The following BRIP1 variants were observed in gnomAD, a reference collection of about 807,000 sequenced individuals.
BRIP1 encodes the protein BRCA1 interacting DNA helicase 1.
Under a neutral mutation model 119.7 loss-of-function variants are expected in BRIP1, and 88 were observed. The ratio of observed to expected loss-of-function variants is 0.74; its 90% CI spans 0.62 to 0.88. The LOEUF is 0.88. BRIP1 is among the 40% of genes least tolerant of loss of function. The pLI is 0.00. For missense variants in BRIP1, 1,259 were observed against 1,455.4 expected (o/e 0.87, Z 2.20); for synonymous variants, 443 against 496.5 (o/e 0.89, Z 1.43).
At chr17:61,783,943 T>A (rs2077661970) in intron 11 of BRIP1, 1 of 196,736 alleles carries the variant, frequency 5.1e-6, no homozygotes, top group African/African-American at 2.4e-5. Flanking sequence ...ATTAGCTGGG[T>A]GTGGGTGTTG....
In BRIP1 at chr17:61,755,540, T is replaced by C. The variant is rs985329468; in HGVS notation, c.2098-10949A>G. ...TGCCACCGTACTCCAGCCTGGGTGA[T>C]AGAGTGAGACCCTATCTGAAAAAAC... is the stretch of plus-strand genomic sequence containing the variant. On this transcript the variant is annotated intron_variant, in intron 14 of 19. Coordinates refer to ENST00000259008, the MANE Select transcript of BRIP1 (RefSeq NM_032043.3). The surrounding 1 kb of genome is among the most constrained non-coding windows in gnomAD (Gnocchi z 4.5). 6.6e-6 allele frequency among the ~76,000 whole-genome samples: 1 copy of C among 152,138 alleles called. No homozygotes were observed. The highest frequency in any genetic ancestry group is 6.6e-5 in the Admixed American group (1 of 15,248).
intron 14 of BRIP1, among the ~76,000 whole-genome samples, chr17:61,750,571 A>T (rs2077118308): frequency 6.6e-6 from 1 of 152,184 alleles, no homozygotes; most frequent in Non-Finnish European, 1.5e-5. Flanking sequence ...AGTTAAAATG[A>T]TAGTACACAG....
At position 61,705,200 on chromosome 17, in the gene BRIP1, T is replaced by G. The variant is rs967733619; in HGVS notation, c.2492+10751A>C. Among the ~76,000 whole-genome samples the G allele has an allele frequency of 6.6e-6, 1 of 152,174 alleles. No individual in the cohort carries two copies. The highest frequency in any genetic ancestry group is 2.4e-5 in the African/African-American group (1 of 41,448). On this transcript the variant is annotated intron_variant, in intron 17 of 19. Coordinates refer to ENST00000259008, the MANE Select transcript of BRIP1 (RefSeq NM_032043.3). The surrounding 1 kb of genome is among the most constrained non-coding windows in gnomAD (Gnocchi z 5.0). The stretch of plus-strand genomic sequence containing the variant: ...AGTGGGAACATATGGTATTTGGTTT[T>G]CTGTTTCTGTGTTAGTTTGCTTAGG...
Position 61,796,065 on chromosome 17 carries a change from G to A in BRIP1, c.1341-2336C>T, listed in dbSNP as rs1308429434. Among the ~76,000 whole-genome samples, 1 of 152,046 alleles carries A rather than the reference G, an allele frequency of 6.6e-6. No homozygotes were observed. The highest frequency in any genetic ancestry group is 2.4e-5 in the African/African-American group (1 of 41,428). On this transcript the variant is annotated intron_variant, in intron 9 of 19. Transcript: ENST00000259008. The surrounding 1 kb of genome is among the most constrained non-coding windows in gnomAD (Gnocchi z 4.8). ...ATTTGTATGTCTTCTTTAGAGAAAT[G>A]TCTATTCAAATCTTTTGTCCATTTT...
intron 18 of BRIP1, among the ~76,000 whole-genome samples, chr17:61,692,124 T>C (rs1268147724): frequency 1.3e-5 from 2 of 152,244 alleles, no homozygotes; most frequent in African/African-American, 4.8e-5. Flanking sequence ...CTTGGTGCTA[T>C]GATTGTAGAC....
At chr17:61,728,989 C>G (rs1427608749) in intron 16 of BRIP1, among the ~76,000 whole-genome samples, 2 of 149,896 alleles carry the variant, frequency 1.3e-5, no homozygotes, top group Non-Finnish European at 1.5e-5. Context: ...TCTATCAACC[C>G]TAAAGTTCAA....
In BRIP1 at chr17:61,693,434, T is replaced by C. The variant is rs1427254734; in HGVS notation, c.2571A>G (p.Ile857Met). Residue 857 changes from isoleucine to methionine, a missense_variant, in exon 18 of 20, where the codon ATA becomes ATG. Around this residue, in one of 3 missense-constraint regions of BRIP1, gnomAD observed 753 missense variants for 891.8 expected, o/e 0.84. Coordinates refer to ENST00000259008, the MANE Select transcript of BRIP1 (RefSeq NM_032043.3). This position sits in a 1 kb window ranked among gnomAD's most constrained non-coding sequence, Gnocchi z 4.2. ...TAAGCCCAGCTGAGATCTTACCAGA[T>C]ATATAGCGACTTGGGTTATTCCTAA... ...DRFRNNPSRYISGLSKWVRQQ... is the reference protein window; with the variant it reads ...DRFRNNPSRYMSGLSKWVRQQ... 5 of 1,612,376 alleles carry C rather than the reference T, an allele frequency of 3.1e-6. No homozygotes were observed. The highest frequency in any genetic ancestry group is 4.2e-6 in the Non-Finnish European group (5 of 1,178,566).
rs1055141584 is a variant in BRIP1, at chr17:61,808,067, T to A, written c.918+400A>T. On this transcript the variant is annotated intron_variant, in intron 7 of 19. Coordinates refer to ENST00000259008, the MANE Select transcript of BRIP1 (RefSeq NM_032043.3). The surrounding 1 kb of genome is among the most constrained non-coding windows in gnomAD (Gnocchi z 4.1). ...AAATTCAAACTTTGCCCAGACAGCC[T>A]AAATAAACTATCTGCTTTTGAAGTT... 2.6e-5 allele frequency among the ~76,000 whole-genome samples: 4 copies of A among 152,194 alleles called. No homozygotes were observed. The highest frequency in any genetic ancestry group is 4.4e-5 in the Non-Finnish European group (3 of 68,006).
chr17:61,720,402 AAAT>A lies in BRIP1; in HGVS notation c.2380-4342_2380-4340del, dbSNP rs1393421690. Among the ~76,000 whole-genome samples, 4 of 152,324 alleles carry A rather than the reference AAAT, an allele frequency of 2.6e-5. No homozygotes were observed. Among genetic ancestry groups the A allele is most frequent in the African/African-American group, 9.6e-5 (4 of 41,578 alleles). On this transcript the variant is annotated intron_variant, in intron 16 of 19. Transcript: ENST00000259008. This position sits in a 1 kb window ranked among gnomAD's most constrained non-coding sequence, Gnocchi z 4.3. ...GTACAATAATTATCTGTCAACTAAA[AAAT>A]AAAATAAAGAGTAAACTTCTTGGAA...
rs115363733 is a variant in BRIP1, at chr17:61,842,143, G to C, written c.627+4958C>G. On this transcript the variant is annotated intron_variant, in intron 6 of 19. Coordinates refer to ENST00000259008, the MANE Select transcript of BRIP1 (RefSeq NM_032043.3). This position sits in a 1 kb window ranked among gnomAD's most constrained non-coding sequence, Gnocchi z 5.1. ...GAAACCTTGTTATTTGCAGCAACAT[G>C]GGTAAGCCTGGAAGATATTAAGTGA... is the stretch of plus-strand genomic sequence containing the variant. Among the ~76,000 whole-genome samples the C allele has an allele frequency of 6.9e-3, 1,044 of 152,304 alleles. 11 individuals carry two copies. Among genetic ancestry groups the C allele is most frequent in the African/African-American group, 0.024 (988 of 41,566 alleles).
intron 3 of BRIP1, among the ~76,000 whole-genome samples, 196 bp downstream of exon 3, chr17:61,859,600 A>G (rs1393807616): frequency 6.6e-6 from 1 of 152,244 alleles, no homozygotes; most frequent in Non-Finnish European, 1.5e-5. Flanking sequence ...TATGTTCAAT[A>G]CTATTTTAGC....
chr17:61,776,750 C>T lies in BRIP1; in HGVS notation c.1936-188G>A, dbSNP rs1296950733. Among the ~76,000 whole-genome samples, 2 of 152,098 alleles carry T rather than the reference C, an allele frequency of 1.3e-5. No homozygotes were observed. The highest frequency in any genetic ancestry group is 3.9e-4 in the East Asian group (2 of 5,194). ...TAATTTATAAATGTTTTGCTTTAGGCAGATCACTAAATTCTCTTAGAGTGA... is the reference window on the plus strand; with the variant it reads ...TAATTTATAAATGTTTTGCTTTAGGTAGATCACTAAATTCTCTTAGAGTGA... On this transcript the variant is annotated intron_variant, in intron 13 of 19. Transcript: ENST00000259008. This position sits in a 1 kb window ranked among gnomAD's most constrained non-coding sequence, Gnocchi z 5.0.
Position 61,755,782 on chromosome 17 carries a change from G to A in BRIP1, c.2098-11191C>T, listed in dbSNP as rs2077192793. On this transcript the variant is annotated intron_variant, in intron 14 of 19. Coordinates refer to ENST00000259008, the MANE Select transcript of BRIP1 (RefSeq NM_032043.3). The surrounding 1 kb of genome is among the most constrained non-coding windows in gnomAD (Gnocchi z 4.5). Reference sequence around the variant, plus strand: ...AAACAGACAGGTAAAGATTTAGAAAGAACAATGGAGAGTAAATAGGATACT... The same window carrying A: ...AAACAGACAGGTAAAGATTTAGAAAAAACAATGGAGAGTAAATAGGATACT... Among the ~76,000 whole-genome samples the A allele has an allele frequency of 6.6e-6, 1 of 152,000 alleles. No homozygotes were observed. Among genetic ancestry groups the A allele is most frequent in the African/African-American group, 2.4e-5 (1 of 41,384 alleles).
chr17:61,841,405 A>C lies in BRIP1; in HGVS notation c.627+5696T>G, dbSNP rs530697695. ...AAATAGGCAAAGGGTGTGAATAAAC[A>C]TTTCTCAAAAGATACATAAAGCCAA... On this transcript the variant is annotated intron_variant, in intron 6 of 19. Coordinates refer to ENST00000259008, the MANE Select transcript of BRIP1 (RefSeq NM_032043.3). The surrounding 1 kb of genome is among the most constrained non-coding windows in gnomAD (Gnocchi z 4.1). Among the ~76,000 whole-genome samples, 17 of 152,262 alleles carry C rather than the reference A, an allele frequency of 1.1e-4. 1 individual carries two copies. The highest frequency in any genetic ancestry group is 3.8e-4 in the African/African-American group (16 of 41,564).
chr17:61,727,053 T>A (rs2076774533), intron 16 of BRIP1, among the ~76,000 whole-genome samples: 2 of 152,080 alleles, frequency 1.3e-5, no homozygotes, highest in South Asian at 4.1e-4. Context: ...AAGGAATGAG[T>A]CAATATTAAG....
At chr17:61,858,375 GT>G (rs573831950) in intron 3 of BRIP1, among the ~76,000 whole-genome samples, 100 of 141,724 alleles carry the variant, frequency 7.1e-4, no homozygotes, top group African/African-American at 1.0e-3. Context: ...AGTATTTACT[GT>G]TTTTTTTTTT....
Position 61,806,972 on chromosome 17 carries a change from C to A in BRIP1, c.918+1495G>T, listed in dbSNP as rs533031956. ...CCTCCCAAAGTGCTGGGATTACAGGCATGAACCATCAGGCCCAGCCAATGT... is the reference window on the plus strand; with the variant it reads ...CCTCCCAAAGTGCTGGGATTACAGGAATGAACCATCAGGCCCAGCCAATGT... On this transcript the variant is annotated intron_variant, in intron 7 of 19. Transcript: ENST00000259008. The surrounding 1 kb of genome is among the most constrained non-coding windows in gnomAD (Gnocchi z 4.9). 1.3e-5 allele frequency among the ~76,000 whole-genome samples: 2 copies of A among 152,186 alleles called. No individual in the cohort carries two copies.
At chr17:61,685,349 GTCTC>G (rs1219446103) in intron 19 of BRIP1, 1 of 154,120 alleles carries the variant, frequency 6.5e-6, no homozygotes, top group African/African-American at 2.4e-5. Context: ...TAAAATAAAT[GTCTC>G]TCACCTCCTA....
intron 6 of BRIP1, among the ~76,000 whole-genome samples, chr17:61,826,744 A>AAAC (rs1425729965): frequency 6.7e-6 from 1 of 149,822 alleles, no homozygotes; most frequent in Non-Finnish European, 1.5e-5. Context: ...AAAAAAAAAA[A>AAAC]AAAAAAAAAA....
Sources: gnomAD v4.1 joint callset for allele counts (sites outside exome capture counted in the v4.1 genomes callset) on GRCh38, gnomAD v4.1.1 for gene constraint, gnomAD v4.1.1 regional missense constraint, Gnocchi (gnomAD v3.1) non-coding constraint, MANE v1.5 for transcripts, NCBI Gene and HGNC (gene_info 2026-07-23, HGNC 2026-07-21) for gene names.